Variants in STAM observed in about 807,000 individuals in gnomAD.
The protein encoded by STAM is signal transducing adapter molecule 1.
In STAM, 16 loss-of-function variants were observed where a neutral mutation model predicts 63.4. That is an observed-to-expected ratio of 0.25 (90% CI 0.17 to 0.38). The LOEUF (loss-of-function observed/expected upper bound fraction) is 0.38, where lower values mean the gene tolerates loss of function less well. Ranked by LOEUF, STAM falls within the 10% of genes least tolerant of loss-of-function variation. STAM has a pLI of 1.00. For synonymous variants in STAM, 238 were observed against 223.9 expected (o/e 1.06, Z -0.56); for missense variants, 636 against 657.1 (o/e 0.97, Z 0.35).
intron 1 of STAM, 65 bp downstream of exon 1, chr10:17,644,444 G>T: frequency 4.4e-6 from 7 of 1,600,274 alleles, no homozygotes; most frequent in Non-Finnish European, 5.1e-6. Context: ...GCCAGCCCCT[G>T]CCTGCATTCA....
intron 1 of STAM, among the ~76,000 whole-genome samples, chr10:17,650,845 T>C (rs967810635): frequency 6.6e-6 from 1 of 152,000 alleles, no homozygotes; most frequent in South Asian, 2.1e-4. Context: ...GTGGGCGGAT[T>C]ATGAGGTCAG....
intron 1 of STAM, among the ~76,000 whole-genome samples, chr10:17,646,121 G>A (rs1026080925): frequency 2.6e-5 from 4 of 152,096 alleles, no homozygotes. Context: ...ATATCCTTGT[G>A]TGTTAAGGCC....
At chr10:17,698,388 A>G (rs1388105862) in intron 8 of STAM, among the ~76,000 whole-genome samples, 2 of 150,194 alleles carry the variant, frequency 1.3e-5, no homozygotes, top group African/African-American at 2.4e-5. Flanking sequence ...AGATAAGGTC[A>G]AGGATCTCAT....
chr10:17,645,214 C>T (rs1054729294), intron 1 of STAM, among the ~76,000 whole-genome samples: 8 of 152,062 alleles, frequency 5.3e-5, no homozygotes, highest in African/African-American at 1.9e-4. Context: ...AATTTGAACG[C>T]ACGTAGGAAC....
At chr10:17,649,942 A>G (rs527906174) in intron 1 of STAM, among the ~76,000 whole-genome samples, 1 of 152,240 alleles carries the variant, frequency 6.6e-6, no homozygotes, top group South Asian at 2.1e-4. Context: ...TGTTGTAGTT[A>G]TCTTGACTTG....
At chr10:17,672,775 ATACCT>A (rs1834692773) in intron 2 of STAM, among the ~76,000 whole-genome samples, 1 of 152,164 alleles carries the variant, frequency 6.6e-6, no homozygotes, top group Non-Finnish European at 1.5e-5. Flanking sequence ...TTTGGCCTTT[ATACCT>A]TGACTTTGGA....
intron 13 of STAM, among the ~76,000 whole-genome samples, chr10:17,712,536 C>A (rs1273633064): frequency 6.6e-6 from 1 of 152,142 alleles, no homozygotes; most frequent in Non-Finnish European, 1.5e-5. Flanking sequence ...AGTACAAGAG[C>A]ACTGAATTTC....
At chr10:17,664,166 C>T (rs1358055571) in intron 2 of STAM, among the ~76,000 whole-genome samples, 1 of 152,074 alleles carries the variant, frequency 6.6e-6, no homozygotes, top group Non-Finnish European at 1.5e-5. Flanking sequence ...AATTGGGTTA[C>T]ATATTCACAG....
At chr10:17,648,732 G>T (rs1321125681) in intron 1 of STAM, among the ~76,000 whole-genome samples, 1 of 152,158 alleles carries the variant, frequency 6.6e-6, no homozygotes, top group African/African-American at 2.4e-5. Flanking sequence ...TACCACTCTT[G>T]CCTCTACAAT....
At chr10:17,649,440 ACT>A in intron 1 of STAM, among the ~76,000 whole-genome samples, 1 of 149,990 alleles carries the variant, frequency 6.7e-6, no homozygotes, top group East Asian at 2.0e-4. Flanking sequence ...TTACCCTCTC[ACT>A]CTGTTTCTTT....
At chr10:17,655,814 G>C (rs1382380596) in intron 1 of STAM, among the ~76,000 whole-genome samples, 1 of 152,084 alleles carries the variant, frequency 6.6e-6, no homozygotes, top group Non-Finnish European at 1.5e-5. Context: ...TGAAGATCTT[G>C]GTGATGTTAT....
intron 1 of STAM, among the ~76,000 whole-genome samples, chr10:17,651,447 T>G (rs1175358126): frequency 6.6e-6 from 1 of 152,268 alleles, no homozygotes; most frequent in East Asian, 1.9e-4. Context: ...AATCAGTTAC[T>G]GTTAAAACAT....
intron 13 of STAM, among the ~76,000 whole-genome samples, chr10:17,713,908 C>G (rs1476242482): frequency 1.1e-4 from 17 of 151,992 alleles, no homozygotes; most frequent in African/African-American, 3.9e-4. Context: ...TTCTCCAGCC[C>G]CCTCCCCACC....
chr10:17,660,396 A>T, intron 1 of STAM, 68 bp from the exon 2 acceptor site: 1 of 1,073,196 alleles, frequency 9.3e-7, no homozygotes, highest in Non-Finnish European at 1.4e-6. Flanking sequence ...TTTGTGATTT[A>T]AATGTGATTA....
At chr10:17,660,408 G>T in intron 1 of STAM, 56 bp from the exon 2 acceptor site, 1 of 1,178,814 alleles carries the variant, frequency 8.5e-7, no homozygotes, top group Non-Finnish European at 1.2e-6. Context: ...ATGTGATTAT[G>T]TATCTTTTAA....
chr10:17,715,384 A>AAG lies in STAM; in HGVS notation c.*608_*609dup, dbSNP rs139990029. ...TGAACCTTTTACTAATTGTGAGCTA[A>AAG]AGAGATATATATATATATGTGTGTG... is the stretch of plus-strand genomic sequence containing the variant. On this transcript the variant is annotated 3_prime_UTR_variant, in exon 14 of 14. Coordinates refer to ENST00000377524, the MANE Select transcript of STAM (RefSeq NM_003473.4). The AAG allele has an allele frequency of 0.28, 44,164 of 157,890 alleles. 6,623 individuals carry two copies. Among genetic ancestry groups the AAG allele is most frequent in the African/African-American group, 0.38 (15,845 of 41,300 alleles). 9.8% of individuals were successfully genotyped at this position (157,890 alleles called of 1,614,324 possible). A position where few individuals can be genotyped will look rare whatever the true frequency, so the allele number is the denominator to read the frequency against.
chr10:17,689,013 C>T (rs548076108), intron 5 of STAM, among the ~76,000 whole-genome samples: 36 of 151,950 alleles, frequency 2.4e-4, no homozygotes, highest in Admixed American at 6.5e-4. Flanking sequence ...TAGTAAGAGC[C>T]GACCAGTACA....
intron 5 of STAM, among the ~76,000 whole-genome samples, chr10:17,689,624 C>T (rs1023832278): frequency 6.6e-6 from 1 of 152,120 alleles, no homozygotes; most frequent in Admixed American, 6.6e-5. Flanking sequence ...TAATCCAAGA[C>T]ATTATACATT....
intron 2 of STAM, among the ~76,000 whole-genome samples, chr10:17,681,362 G>A (rs914863232): frequency 5.3e-5 from 8 of 151,648 alleles, no homozygotes; most frequent in Non-Finnish European, 1.2e-4. Flanking sequence ...GGCTATTTAG[G>A]AGGATGTTGA....
Sources: gnomAD v4.1 joint callset for allele counts (sites outside exome capture counted in the v4.1 genomes callset) on GRCh38, gnomAD v4.1.1 for gene constraint, MANE v1.5 for transcripts, NCBI Gene and HGNC (gene_info 2026-07-23, HGNC 2026-07-21) for gene names.